STT3B: variants seen among roughly 807,000 people sequenced by gnomAD.
STT3B encodes STT3 oligosaccharyltransferase complex catalytic subunit B.
STT3B carries 29 observed loss-of-function variants against 96.8 expected under a neutral mutation model. The ratio of observed to expected loss-of-function variants is 0.30; its 90% CI spans 0.22 to 0.41. STT3B has a LOEUF of 0.41. STT3B is among the 10% of genes least tolerant of loss of function. The pLI is 1.00. For missense variants in STT3B, 640 were observed against 1,022.3 expected (o/e 0.63, Z 5.10); for synonymous variants, 367 against 360.0 (o/e 1.02, Z -0.22).
intron 12 of STT3B, among the ~76,000 whole-genome samples, chr3:31,625,289 G>T (rs974831199): frequency 2.0e-5 from 3 of 152,140 alleles, no homozygotes; most frequent in Non-Finnish European, 4.4e-5. Flanking sequence ...ATTCAGAATT[G>T]CAGGCTGATT....
chr3:31,564,233 G>T (rs1441261359), intron 1 of STT3B, among the ~76,000 whole-genome samples: 2 of 152,024 alleles, frequency 1.3e-5, no homozygotes, highest in African/African-American at 4.8e-5. Flanking sequence ...CACTTTGCTC[G>T]GGCGACAGTT....
intron 3 of STT3B, among the ~76,000 whole-genome samples, chr3:31,590,361 A>G (rs181353794): frequency 1.3e-4 from 20 of 151,804 alleles, no homozygotes; most frequent in Non-Finnish European, 1.3e-4. Flanking sequence ...ACTCTTTTCT[A>G]GCTTCTTAAA....
Position 31,533,088 on chromosome 3 carries a change from GCACGGCCAC to G in STT3B, c.96_104del (p.His33_Gly35del). 4.6e-6 allele frequency: 7 copies of G among 1,531,392 alleles called. No individual in the cohort carries two copies. The highest frequency in any genetic ancestry group is 6.1e-6 in the Non-Finnish European group (7 of 1,141,798). The allele number at this position is 1,531,392 out of a possible 1,614,324, so 94.9% of individuals were successfully genotyped here. ...GCCTCATGGCCCTGGGAAACAGCCGGCACGGCCACCACGGGCCCGGGGCCCAGTGCGCGC... is the reference window on the plus strand; with the variant it reads ...GCCTCATGGCCCTGGGAAACAGCCGGCACGGGCCCGGGGCCCAGTGCGCGC... On this transcript the variant is annotated inframe_deletion, in exon 1 of 16. Transcript: ENST00000295770.
chr3:31,579,047 T>C (rs905930962), intron 2 of STT3B, among the ~76,000 whole-genome samples: 1 of 152,094 alleles, frequency 6.6e-6, no homozygotes, highest in Admixed American at 6.6e-5. Context: ...CACTGAATAA[T>C]AACTCAGGAA....
At chr3:31,565,994 G>A (rs1052218527) in intron 1 of STT3B, among the ~76,000 whole-genome samples, 1 of 152,044 alleles carries the variant, frequency 6.6e-6, no homozygotes, top group Non-Finnish European at 1.5e-5. Context: ...CTATAGATAC[G>A]CATGCCATTG....
intron 1 of STT3B, among the ~76,000 whole-genome samples, chr3:31,561,324 G>T: frequency 6.6e-6 from 1 of 151,316 alleles, no homozygotes; most frequent in Non-Finnish European, 1.5e-5. Flanking sequence ...TATATTTATG[G>T]GATACGTGAG....
At chr3:31,610,498 G>A (rs182781026) in intron 5 of STT3B, among the ~76,000 whole-genome samples, 49 of 150,596 alleles carry the variant, frequency 3.3e-4, no homozygotes, top group Non-Finnish European at 6.4e-4. Context: ...CCTTATCAGA[G>A]AGAAGGTACT....
At chr3:31,579,197 A>T (rs963184546) in intron 2 of STT3B, among the ~76,000 whole-genome samples, 1 of 151,986 alleles carries the variant, frequency 6.6e-6, no homozygotes, top group Non-Finnish European at 1.5e-5. Flanking sequence ...GGTATAAAAA[A>T]TTTAATTTTT....
chr3:31,541,775 A>G (rs559289754), intron 1 of STT3B, among the ~76,000 whole-genome samples: 2 of 152,052 alleles, frequency 1.3e-5, no homozygotes, highest in South Asian at 2.1e-4. Flanking sequence ...ACGAGGTTTC[A>G]CCGTGTTAGC....
At chr3:31,582,284 T>C (rs1698423594) in intron 3 of STT3B, among the ~76,000 whole-genome samples, 1 of 146,732 alleles carries the variant, frequency 6.8e-6, no homozygotes, top group Middle Eastern at 3.6e-3. Context: ...GTTTAGTTTG[T>C]TCTTTTTCTT....
intron 8 of STT3B, among the ~76,000 whole-genome samples, chr3:31,618,324 T>C (rs1699354622): frequency 6.6e-6 from 1 of 152,060 alleles, no homozygotes; most frequent in Admixed American, 6.5e-5. Flanking sequence ...TTTTTTATTC[T>C]TAAGAATTCT....
At chr3:31,537,127 A>G (rs772878955) in intron 1 of STT3B, among the ~76,000 whole-genome samples, 3 of 152,238 alleles carry the variant, frequency 2.0e-5, no homozygotes, top group Non-Finnish European at 4.4e-5. Context: ...GAAAGTTGCA[A>G]GTTAGAGTTG....
At chr3:31,576,286 G>T in intron 1 of STT3B, 110 bp from the exon 2 acceptor site, 45 of 425,084 alleles carry the variant, frequency 1.1e-4, no homozygotes, top group East Asian at 1.4e-4. Flanking sequence ...ATATAAGTTT[G>T]ATGAAAACGC....
intron 3 of STT3B, among the ~76,000 whole-genome samples, chr3:31,587,182 T>A (rs746232412): frequency 2.0e-4 from 31 of 152,134 alleles, no homozygotes; most frequent in Non-Finnish European, 3.8e-4. Flanking sequence ...TTTATCCTCT[T>A]AGGGAATGGA....
chr3:31,634,336 T>G (rs567379431), intron 15 of STT3B, among the ~76,000 whole-genome samples: 4 of 152,322 alleles, frequency 2.6e-5, no homozygotes, highest in African/African-American at 9.6e-5. Context: ...AAAAGAGGGC[T>G]GTTGAACTTG....
intron 1 of STT3B, among the ~76,000 whole-genome samples, chr3:31,567,324 A>G (rs896302075): frequency 3.3e-5 from 5 of 152,170 alleles, no homozygotes; most frequent in Admixed American, 3.3e-4. Context: ...ATCATTGATC[A>G]AAGCTTCTTT....
chr3:31,625,842 T>C (rs1278916946), intron 12 of STT3B, 112 bp from the exon 13 acceptor site: 2 of 1,022,334 alleles, frequency 2.0e-6, no homozygotes, highest in Non-Finnish European at 2.8e-6. Context: ...GCAAAAAAAT[T>C]CCATGTAAAA....
intron 5 of STT3B, among the ~76,000 whole-genome samples, chr3:31,614,846 G>C (rs527407803): frequency 1.3e-5 from 2 of 151,888 alleles, no homozygotes; most frequent in African/African-American, 2.4e-5. Context: ...TCCATTTCTG[G>C]GAAAGGAATG....
intron 1 of STT3B, among the ~76,000 whole-genome samples, chr3:31,564,996 G>A (rs1697967714): frequency 6.6e-6 from 1 of 152,180 alleles, no homozygotes; most frequent in Non-Finnish European, 1.5e-5. Context: ...GGAAGATGTT[G>A]CAAATAATGG....
Sources: gnomAD v4.1 joint callset for allele counts (sites outside exome capture counted in the v4.1 genomes callset) on GRCh38, gnomAD v4.1.1 for gene constraint, MANE v1.5 for transcripts, NCBI Gene and HGNC (gene_info 2026-07-23, HGNC 2026-07-21) for gene names.